ZNF292: variants seen among roughly 807,000 people sequenced by gnomAD.
ZNF292 encodes the protein zinc finger protein 292.
Under a neutral mutation model 217.9 loss-of-function variants are expected in ZNF292, and 26 were observed. That is an observed-to-expected ratio of 0.12 (90% CI 0.09 to 0.17). The LOEUF (loss-of-function observed/expected upper bound fraction) is 0.17. Ranked by LOEUF, ZNF292 falls within the 10% of genes least tolerant of loss-of-function variation. ZNF292 has a pLI of 1.00. For missense variants in ZNF292, 2,904 were observed against 3,175.2 expected (o/e 0.91, Z 2.05); for synonymous variants, 1,257 against 1,124.1 (o/e 1.12, Z -2.37).
chr6:87,172,789 C>T (rs1259344285), intron 1 of ZNF292, among the ~76,000 whole-genome samples: 2 of 151,810 alleles, frequency 1.3e-5, no homozygotes, highest in Non-Finnish European at 2.9e-5. Flanking sequence ...CACCTGTAGT[C>T]CCAGCTACTC....
At chr6:87,166,367 A>G (rs190425118) in intron 1 of ZNF292, among the ~76,000 whole-genome samples, 1 of 152,208 alleles carries the variant, frequency 6.6e-6, no homozygotes, top group African/African-American at 2.4e-5. Context: ...GAGCTCCCCC[A>G]CAATCTGGGA....
At chr6:87,216,828 A>G (rs1772806796) in intron 3 of ZNF292, among the ~76,000 whole-genome samples, 1 of 152,076 alleles carries the variant, frequency 6.6e-6, no homozygotes, top group African/African-American at 2.4e-5. Flanking sequence ...TGTCTAGCTA[A>G]GATCACATAG....
chr6:87,204,411 T>C, intron 1 of ZNF292, among the ~76,000 whole-genome samples: 1 of 152,170 alleles, frequency 6.6e-6, no homozygotes, highest in Non-Finnish European at 1.5e-5. Context: ...TAGTGAGGCA[T>C]TAGGTTGGCC....
chr6:87,191,737 A>C (rs1771827951), intron 1 of ZNF292, among the ~76,000 whole-genome samples: 1 of 152,080 alleles, frequency 6.6e-6, no homozygotes, highest in South Asian at 2.1e-4. Context: ...TGCAAGCTCG[A>C]CTCACTGCAA....
chr6:87,245,028 G>A (rs375452876), intron 6 of ZNF292, among the ~76,000 whole-genome samples: 1 of 152,052 alleles, frequency 6.6e-6, no homozygotes. Context: ...ATCACCTGAG[G>A]TCAGGAGTTT....
chr6:87,225,880 A>G (rs574365228), intron 4 of ZNF292, among the ~76,000 whole-genome samples: 1 of 152,298 alleles, frequency 6.6e-6, no homozygotes, highest in East Asian at 1.9e-4. Context: ...GACTTTCCCA[A>G]GAAGGTCTCA....
intron 4 of ZNF292, among the ~76,000 whole-genome samples, chr6:87,232,780 T>G (rs1031085290): frequency 6.6e-6 from 1 of 152,130 alleles, no homozygotes; most frequent in Non-Finnish European, 1.5e-5. Context: ...TTATTTATTT[T>G]TCTGTAGATA....
At chr6:87,204,553 G>GTTTT (rs1562138301) in intron 1 of ZNF292, among the ~76,000 whole-genome samples, 15 of 65,694 alleles carry the variant, frequency 2.3e-4, no homozygotes, top group African/African-American at 5.8e-4. Flanking sequence ...TAACATTTAG[G>GTTTT]ATTTTTTTTT....
At chr6:87,245,421 T>A (rs1236634463) in intron 6 of ZNF292, 82 bp from the exon 7 acceptor site, 12 of 1,080,996 alleles carry the variant, frequency 1.1e-5, no homozygotes, top group East Asian at 5.9e-5. Flanking sequence ...CAGTTTTAAT[T>A]TCAAATGTAA....
At chr6:87,156,283 G>T (rs1028718581) in intron 1 of ZNF292, among the ~76,000 whole-genome samples, 1 of 152,096 alleles carries the variant, frequency 6.6e-6, no homozygotes, top group African/African-American at 2.4e-5. Context: ...TTCGAGTTTC[G>T]CCTTAGGACT....
rs928709208 is a variant in ZNF292 at position 87,249,666 on chromosome 6, T to G, written c.1020+4022T>G. On this transcript the variant is annotated intron_variant, in intron 7 of 7. Coordinates refer to ENST00000369577, the MANE Select transcript of ZNF292 (RefSeq NM_015021.3). ...GTGTAATAACTCTCTTCATTTTCCA[T>G]ATAGAGAGGTTAACCTCGATGTAGT... 3.3e-5 allele frequency among the ~76,000 whole-genome samples: 5 copies of G among 152,170 alleles called. No individual in the cohort carries two copies. In the East Asian group the frequency reaches 9.6e-4, roughly 29 times the overall value.
Position 87,258,945 on chromosome 6 carries a change from G to A in ZNF292, c.5316G>A (p.Glu1772=). 6.2e-7 allele frequency: 1 copy of A among 1,612,394 alleles called. No individual in the cohort carries two copies. Among genetic ancestry groups the A allele is most frequent in the South Asian group, 1.1e-5 (1 of 90,898 alleles). ...IKTAMNSQIL[E]VKSGSQGAGE... is the part of the protein sequence containing the mutation. ...CTGCTATGAATTCTCAAATACTTGA[G>A]GTAAAAAGTGGATCTCAGGGTGCTG... The change falls in exon 8 of 8, where the codon GAG becomes GAA. Residue 1772 remains glutamate (E), a synonymous_variant. Transcript: ENST00000369577.
chr6:87,194,113 C>T (rs1771893931), intron 1 of ZNF292, among the ~76,000 whole-genome samples: 1 of 152,100 alleles, frequency 6.6e-6, no homozygotes, highest in Admixed American at 6.5e-5. Context: ...GAAACTTTTT[C>T]ATGTCGTATG....
intron 1 of ZNF292, among the ~76,000 whole-genome samples, chr6:87,210,247 T>A (rs1423497611): frequency 1.3e-5 from 2 of 152,134 alleles, no homozygotes; most frequent in Non-Finnish European, 2.9e-5. Flanking sequence ...AATTGGCTCT[T>A]AAAGAAAAAA....
intron 4 of ZNF292, among the ~76,000 whole-genome samples, chr6:87,224,263 A>C (rs554177780): frequency 1.3e-5 from 2 of 152,148 alleles, no homozygotes; most frequent in Non-Finnish European, 2.9e-5. Flanking sequence ...ATACATTTGT[A>C]ATATAGTTAT....
chr6:87,179,145 G>C (rs1771388788), intron 1 of ZNF292, among the ~76,000 whole-genome samples: 1 of 139,852 alleles, frequency 7.2e-6, no homozygotes, highest in African/African-American at 2.7e-5. Flanking sequence ...GTCTGTATTT[G>C]TGATATATGT....
chr6:87,164,780 T>G (rs370940536), intron 1 of ZNF292, among the ~76,000 whole-genome samples: 3 of 115,996 alleles, frequency 2.6e-5, no homozygotes, highest in Admixed American at 9.4e-5. Flanking sequence ...TTTTTTTTTT[T>G]GATATGGAGT....
At chr6:87,169,111 C>T (rs570896164) in intron 1 of ZNF292, among the ~76,000 whole-genome samples, 7 of 152,034 alleles carry the variant, frequency 4.6e-5, no homozygotes, top group East Asian at 3.9e-4. Context: ...GGCACCATCT[C>T]GGCTCACTGC....
chr6:87,241,306 A>G (rs1425508681), intron 5 of ZNF292, among the ~76,000 whole-genome samples: 2 of 152,066 alleles, frequency 1.3e-5, no homozygotes, highest in South Asian at 2.1e-4. Context: ...ATAAATAAAT[A>G]TATAAAATAA....
Sources: allele counts gnomAD v4.1 joint callset (sites outside exome capture counted in the v4.1 genomes callset), GRCh38; gene constraint gnomAD v4.1.1; transcripts MANE v1.5; gene names NCBI Gene and HGNC (gene_info 2026-07-23, HGNC 2026-07-21).